MEGF8: variants seen among roughly 807,000 people sequenced by gnomAD.
The protein encoded by MEGF8 is multiple epidermal growth factor-like domains protein 8.
Under a neutral mutation model 302.9 loss-of-function variants are expected in MEGF8, and 156 were observed. That is an observed-to-expected ratio of 0.52 (90% CI 0.45 to 0.59). The LOEUF is 0.59. Among genes scored for constraint, MEGF8 ranks in the 20% least tolerant of loss-of-function variants. The pLI is 0.00. For synonymous variants in MEGF8, 1,621 were observed against 1,660.5 expected (o/e 0.98, Z 0.58); for missense variants, 3,345 against 3,964.5 (o/e 0.84, Z 4.20).
rs1234881956 is a variant in MEGF8 at position 42,378,139 on chromosome 19, C to G, written c.*1364C>G. 1 of 152,136 alleles carries G rather than the reference C, an allele frequency of 6.6e-6. No homozygotes were observed. Among genetic ancestry groups the G allele is most frequent in the Non-Finnish European group, 1.5e-5 (1 of 68,038 alleles). The allele number at this position is 152,136 out of a possible 1,614,324, so 9.4% of individuals were successfully genotyped here. ...AGGTCCAACTAGGGATACAGAAACA[C>G]TGAATATTTCAACAGCAGAAATTGA... On this transcript the variant is annotated 3_prime_UTR_variant, in exon 42 of 42. Transcript: ENST00000251268.
rs1283615314 is a variant in MEGF8 at position 42,354,293 on chromosome 19, G to A, written c.4011+269G>A. Among the ~76,000 whole-genome samples, 2 of 151,952 alleles carry A rather than the reference G, an allele frequency of 1.3e-5. No individual in the cohort carries two copies. The highest frequency in any genetic ancestry group is 1.9e-4 in the East Asian group (1 of 5,182). ...ATCTCCCCATTCCTAGAGCAGGAAT[G>A]GTAAATTGTTACACCTTGTACACCA... On this transcript the variant is annotated intron_variant, in intron 22 of 41. Coordinates refer to ENST00000251268, the MANE Select transcript of MEGF8 (RefSeq NM_001271938.2). This position sits in a 1 kb window ranked among gnomAD's most constrained non-coding sequence, Gnocchi z 4.3.
rs529511607 is a variant in MEGF8 at position 42,373,091 on chromosome 19, T to C, written c.7269+1609T>C. On this transcript the variant is annotated intron_variant, in intron 41 of 41. Transcript: ENST00000251268. ...TTGGCTGCTTAGAAGTAGCAGTTTT[T>C]CTTGGTTCCTTTTTTTTTTTGAGAC... 7.9e-5 allele frequency among the ~76,000 whole-genome samples: 12 copies of C among 151,822 alleles called. No homozygotes were observed. The East Asian group carries it at 2.3e-3, about 30-fold the overall frequency.
rs370833871 is a variant in MEGF8, at chr19:42,350,987, C to T, written c.2737-229C>T. Reference sequence around the variant, plus strand: ...TCCTGAGGATTGAATAAGCCCCACCCGGACCACACAGAAGGGGTGCTATTG... The same window carrying T: ...TCCTGAGGATTGAATAAGCCCCACCTGGACCACACAGAAGGGGTGCTATTG... On this transcript the variant is annotated intron_variant, in intron 15 of 41. Transcript: ENST00000251268. The T allele has an allele frequency of 3.7e-5, 21 of 573,490 alleles. 1 individual carries two copies. The highest frequency in any genetic ancestry group is 4.6e-4 in the Middle Eastern group (1 of 2,152). The allele number at this position is 573,490 out of a possible 1,614,324, so 35.5% of individuals were successfully genotyped here.
rs576430107 is a variant in MEGF8 at position 42,348,480 on chromosome 19, C to T, written c.2298+8C>T. ...CCTGACACGGAGAACATGGTGAGGC[C>T]GCCTGGGACATTCAGGGGGTTGTTT... On this transcript the variant is annotated splice_region_variant and intron_variant, in intron 13 of 41. Transcript: ENST00000251268. 20 of 1,508,492 alleles carry T rather than the reference C, an allele frequency of 1.3e-5. No individual in the cohort carries two copies. The Admixed American group carries it at 1.4e-4, about 11-fold the overall frequency. 93.4% of individuals were successfully genotyped at this position (1,508,492 alleles called of 1,614,324 possible). A position where few individuals can be genotyped will look rare whatever the true frequency, so the allele number is the denominator to read the frequency against.
chr19:42,356,253 A>T lies in MEGF8; in HGVS notation c.4503+60A>T. 2.0e-6 allele frequency: 3 copies of T among 1,526,148 alleles called. No individual in the cohort carries two copies. The highest frequency in any genetic ancestry group is 2.6e-6 in the Non-Finnish European group (3 of 1,132,996). The allele number at this position is 1,526,148 out of a possible 1,614,324, so 94.5% of individuals were successfully genotyped here. On this transcript the variant is annotated intron_variant, in intron 25 of 41. Coordinates refer to ENST00000251268, the MANE Select transcript of MEGF8 (RefSeq NM_001271938.2). This position sits in a 1 kb window ranked among gnomAD's most constrained non-coding sequence, Gnocchi z 5.2. Reference sequence around the variant, plus strand: ...GCTCCCAGGTCGTTCTCCCACCTCCATTCCTGGGACCACCCCTACACCCAG... The same window carrying T: ...GCTCCCAGGTCGTTCTCCCACCTCCTTTCCTGGGACCACCCCTACACCCAG...
intron 1 of MEGF8, among the ~76,000 whole-genome samples, chr19:42,330,256 G>A (rs2039038592): frequency 6.6e-6 from 1 of 152,172 alleles, no homozygotes; most frequent in South Asian, 2.1e-4. Flanking sequence ...TCATGGATAA[G>A]AGGCATCCTG....
intron 41 of MEGF8, among the ~76,000 whole-genome samples, chr19:42,373,474 C>T (rs1003100173): frequency 1.3e-5 from 2 of 152,014 alleles, no homozygotes; most frequent in Admixed American, 6.6e-5. Flanking sequence ...AATCTCAGCT[C>T]ATTGCAACCT....
At chr19:42,366,269 C>T (rs983383628) in intron 35 of MEGF8, among the ~76,000 whole-genome samples, 10 of 152,112 alleles carry the variant, frequency 6.6e-5, no homozygotes, top group African/African-American at 1.4e-4. Flanking sequence ...GGCATGATCT[C>T]GGCTCACTGC....
chr19:42,370,478 G>A, intron 39 of MEGF8, 119 bp downstream of exon 39: 1 of 1,007,784 alleles, frequency 9.9e-7, no homozygotes, highest in Non-Finnish European at 1.4e-6. Flanking sequence ...GGGGCTGGAG[G>A]CCTGGATTCC....
chr19:42,356,292 TCC>T lies in MEGF8; in HGVS notation c.4504-42_4504-41del. 1 of 1,583,442 alleles carries T rather than the reference TCC, an allele frequency of 6.3e-7. No homozygotes were observed. Among genetic ancestry groups the T allele is most frequent in the Non-Finnish European group, 8.6e-7 (1 of 1,165,450 alleles). ...CCCTACACCCAGGCCTGGCACTTTGTCCTGACCCTAGCCTGATCCCCAATGTC... is the reference window on the plus strand; with the variant it reads ...CCCTACACCCAGGCCTGGCACTTTGTTGACCCTAGCCTGATCCCCAATGTC... On this transcript the variant is annotated intron_variant, in intron 25 of 41. Transcript: ENST00000251268. The surrounding 1 kb of genome is among the most constrained non-coding windows in gnomAD (Gnocchi z 5.2).
chr19:42,352,391 C>T lies in MEGF8; in HGVS notation c.3285C>T (p.Pro1095=), dbSNP rs761011213. 1 of 1,595,402 alleles carries T rather than the reference C, an allele frequency of 6.3e-7. No homozygotes were observed. The highest frequency in any genetic ancestry group is 1.3e-5 in the African/African-American group (1 of 74,624). The change falls in exon 19 of 42, where the codon CCC becomes CCT. Residue 1095 remains proline (P), a synonymous_variant. Transcript: ENST00000251268. This position sits in a 1 kb window ranked among gnomAD's most constrained non-coding sequence, Gnocchi z 4.4. ...CHPRATCLNT[P]LSYECHCQRG... ...CGCGGGCGACCTGCCTGAACACGCCCCTCAGCTACGAGTGTCACTGCCAGC... is the reference window on the plus strand; with the variant it reads ...CGCGGGCGACCTGCCTGAACACGCCTCTCAGCTACGAGTGTCACTGCCAGC...
chr19:42,350,544 A>G (rs1033471431), intron 15 of MEGF8, among the ~76,000 whole-genome samples, 160 bp downstream of exon 15: 9 of 152,132 alleles, frequency 5.9e-5, no homozygotes, highest in Non-Finnish European at 1.3e-4. Flanking sequence ...AGCTGTAGAG[A>G]GAGGCACCTG....
In MEGF8 at chr19:42,357,589, G is replaced by A. The variant is rs751056755; in HGVS notation, c.5011+5G>A. ...AGAGTGGGACACCCCCCACAGGTGG[G>A]GCTGGGGACCGGGAGGGGACAGCCC... On this transcript the variant is annotated splice_donor_5th_base_variant and intron_variant, in intron 28 of 41. Transcript: ENST00000251268. This position sits in a 1 kb window ranked among gnomAD's most constrained non-coding sequence, Gnocchi z 5.2. 4.4e-6 allele frequency: 7 copies of A among 1,592,176 alleles called. No homozygotes were observed. The highest frequency in any genetic ancestry group is 6.0e-6 in the Non-Finnish European group (7 of 1,170,370).
rs772926072 is a variant in MEGF8 at position 42,351,395 on chromosome 19, G to C, written c.2856-34G>C. ...ATGTGCCTGGGGATGTGTGCTGGCT[G>C]TGGAGTGACCTGGCCCCCTGCTCCC... On this transcript the variant is annotated intron_variant, in intron 16 of 41. Transcript: ENST00000251268. The surrounding 1 kb of genome is among the most constrained non-coding windows in gnomAD (Gnocchi z 5.6). The C allele has an allele frequency of 1.6e-5, 25 of 1,578,366 alleles. No individual in the cohort carries two copies. The African/African-American group carries it at 2.0e-4, about 13-fold the overall frequency.
At chr19:42,350,088 G>A in intron 14 of MEGF8, 60 bp from the exon 15 acceptor site, 5 of 1,377,762 alleles carry the variant, frequency 3.6e-6, no homozygotes, top group South Asian at 2.5e-5. Context: ...TTCAGTTAGC[G>A]CCAGACTCTG....
In MEGF8 at chr19:42,368,863, G is replaced by T; in HGVS notation, c.6502G>T (p.Gly2168Trp). ...GCTAGGGCTGACATGTGGGCGTCCGGGGGCCTCCTGGGCCTTCCTGTCCTG... is the reference window on the plus strand; with the variant it reads ...GCTAGGGCTGACATGTGGGCGTCCGTGGGCCTCCTGGGCCTTCCTGTCCTG... Reference protein sequence around the residue: ...PRDGLTCGRPGASWAFLSCPP... With the variant: ...PRDGLTCGRPWASWAFLSCPP... Residue 2168 changes from glycine (G) to tryptophan (W), a missense_variant, in exon 37 of 42, where the codon GGG becomes TGG. Coordinates refer to ENST00000251268, the MANE Select transcript of MEGF8 (RefSeq NM_001271938.2). This position sits in a 1 kb window ranked among gnomAD's most constrained non-coding sequence, Gnocchi z 4.9. The T allele has an allele frequency of 3.7e-6, 6 of 1,613,724 alleles. No individual in the cohort carries two copies. Among genetic ancestry groups the T allele is most frequent in the Non-Finnish European group, 4.2e-6 (5 of 1,179,820 alleles).
In MEGF8 at chr19:42,376,296, CAGG is replaced by C. The variant is rs2039769584; in HGVS notation, c.8062_8064del (p.Glu2688del). On this transcript the variant is annotated inframe_deletion, in exon 42 of 42. Transcript: ENST00000251268. The surrounding 1 kb of genome is among the most constrained non-coding windows in gnomAD (Gnocchi z 8.2). ...GCGGCAGGAGCAGCGCCGGCACTTG[CAGG>C]AGATGACCAAGATGGCCAGCCGCCC... 1 of 1,613,118 alleles carries C rather than the reference CAGG, an allele frequency of 6.2e-7. No individual in the cohort carries two copies. The highest frequency in any genetic ancestry group is 8.5e-7 in the Non-Finnish European group (1 of 1,179,720).
rs762234564 is a variant in MEGF8 at position 42,369,419 on chromosome 19, G to C, written c.6642-112G>C. On this transcript the variant is annotated intron_variant, in intron 37 of 41. Transcript: ENST00000251268. The surrounding 1 kb of genome is among the most constrained non-coding windows in gnomAD (Gnocchi z 5.7). ...CTGAAGAGAAGATAGCAACGGGACA[G>C]AGCAGGGATGAGCAACCAGTTGAGA... is the stretch of plus-strand genomic sequence containing the variant. The C allele has an allele frequency of 5.9e-5, 65 of 1,103,902 alleles. 1 individual carries two copies. In the African/African-American group the frequency reaches 8.0e-4, roughly 14 times the overall value. The allele number at this position is 1,103,902 out of a possible 1,614,324, so 68.4% of individuals were successfully genotyped here. A position where few individuals can be genotyped will look rare whatever the true frequency, so the allele number is the denominator to read the frequency against.
rs142042363 is a variant in MEGF8 at position 42,370,288 on chromosome 19, A to G, written c.6934A>G (p.Ile2312Val). The change falls in exon 39 of 42, where the codon ATC becomes GTC. Residue 2312 changes from isoleucine to valine, a missense_variant. By Grantham distance (29) the Ile-to-Val change is conservative. Coordinates refer to ENST00000251268, the MANE Select transcript of MEGF8 (RefSeq NM_001271938.2). ...CGCCTTTTGTCGTGGAAATAGCCAC[A>G]TCTGCATCTCCAGGAAGGAGTTACA... is the stretch of plus-strand genomic sequence containing the variant. ...CHAFCRGNSH[I>V]CISRKELQMS... The G allele has an allele frequency of 3.0e-4, 489 of 1,613,600 alleles. No individual in the cohort carries two copies. The highest frequency in any genetic ancestry group is 3.8e-4 in the Non-Finnish European group (453 of 1,179,810).
Sources: allele counts gnomAD v4.1 joint callset (sites outside exome capture counted in the v4.1 genomes callset), GRCh38; gene constraint gnomAD v4.1.1; non-coding constraint Gnocchi (gnomAD v3.1); transcripts MANE v1.5; gene names NCBI Gene and HGNC (gene_info 2026-07-23, HGNC 2026-07-21).